ANKS1A: variants seen among roughly 807,000 people sequenced by gnomAD.
ANKS1A encodes the protein ankyrin repeat and SAM domain-containing protein 1A.
Under a neutral mutation model 120.3 loss-of-function variants are expected in ANKS1A, and 55 were observed. That is an observed-to-expected ratio of 0.46 (90% CI 0.37 to 0.57). The LOEUF is 0.57. Among genes scored for constraint, ANKS1A ranks in the 20% least tolerant of loss-of-function variants. ANKS1A has a pLI of 0.00. For missense variants in ANKS1A, 1,123 were observed against 1,480.3 expected, an observed-to-expected ratio of 0.76 and a Z score of 3.96; for synonymous variants, 590 against 604.7, an observed-to-expected ratio of 0.98 and a Z score of 0.36.
intron 3 of ANKS1A, among the ~76,000 whole-genome samples, chr6:34,973,292 C>T (rs1394147914): frequency 6.6e-6 from 1 of 152,156 alleles, no homozygotes; most frequent in Non-Finnish European, 1.5e-5. Flanking sequence ...AGGAAGCGTT[C>T]TGAAATAGGA....
chr6:35,083,333 G>C (rs1001639077), intron 19 of ANKS1A, 84 bp from the exon 20 acceptor site: 62 of 1,595,610 alleles, frequency 3.9e-5, no homozygotes, highest in Admixed American at 3.8e-4. Flanking sequence ...ATGTAAGGAT[G>C]GGAAGGAAGC....
intron 13 of ANKS1A, among the ~76,000 whole-genome samples, chr6:35,063,146 T>C (rs1199713662): frequency 1.3e-5 from 2 of 152,110 alleles, no homozygotes; most frequent in African/African-American, 2.4e-5. Context: ...TGCCAGGTGC[T>C]CCCTAGGATG....
rs1770564078 is a variant in ANKS1A at position 34,960,173 on chromosome 6, TCTTTA to T, written c.198-7060_198-7056del. On this transcript the variant is annotated intron_variant, in intron 1 of 23. Coordinates refer to ENST00000360359, the MANE Select transcript of ANKS1A (RefSeq NM_015245.3). The stretch of plus-strand genomic sequence containing the variant: ...TGTCTACCTCAGACCCCCTCACGGC[TCTTTA>T]CTTTATTCAGATATTCTCAAAGATC... Among the ~76,000 whole-genome samples the T allele has an allele frequency of 2.6e-5, 4 of 152,124 alleles. No homozygotes were observed. In the South Asian group the frequency reaches 8.3e-4, roughly 32 times the overall value.
chr6:35,013,937 C>A (rs1773885802), intron 10 of ANKS1A, among the ~76,000 whole-genome samples: 1 of 152,174 alleles, frequency 6.6e-6, no homozygotes, highest in Admixed American at 6.5e-5. Flanking sequence ...ATAACAATTT[C>A]AACATCTATT....
chr6:34,973,482 AC>A (rs1771287142), intron 3 of ANKS1A, among the ~76,000 whole-genome samples: 1 of 151,954 alleles, frequency 6.6e-6, no homozygotes, highest in Admixed American at 6.5e-5. Flanking sequence ...TGGTGCTCTC[AC>A]CCGCTGGTTT....
chr6:34,913,684 T>C (rs1768011375), intron 1 of ANKS1A, among the ~76,000 whole-genome samples: 1 of 152,184 alleles, frequency 6.6e-6, no homozygotes, highest in Non-Finnish European at 1.5e-5. Flanking sequence ...TTGCCCAGGC[T>C]GGAGTACAGT....
intron 1 of ANKS1A, among the ~76,000 whole-genome samples, chr6:34,908,549 TCA>T (rs892814394): frequency 6.6e-6 from 1 of 152,178 alleles, no homozygotes; most frequent in Non-Finnish European, 1.5e-5. Flanking sequence ...AAAAGTTGTT[TCA>T]GTTTCAACAG....
At position 35,083,161 on chromosome 6, in the gene ANKS1A, G is replaced by T; in HGVS notation, c.2842G>T (p.Gly948Cys). The change falls in exon 19 of 24, where the codon GGC becomes TGC. Residue 948 changes from glycine (G) to cysteine (C), a missense_variant. This residue lies in a region of ANKS1A where 904 missense variants were observed against 1,130.4 expected (regional missense o/e 0.80). Transcript: ENST00000360359. ...CCACTGCTCGCCCCCACAGTATCTG[G>T]GCTCCATGCTGATCAAAGATCTGCG... ...ESCGYEANYLGSMLIKDLRGT... is the reference protein window; with the variant it reads ...ESCGYEANYLCSMLIKDLRGT... 2 of 1,614,098 alleles carry T rather than the reference G, an allele frequency of 1.2e-6. No individual in the cohort carries two copies. Among genetic ancestry groups the T allele is most frequent in the Non-Finnish European group, 1.7e-6 (2 of 1,180,006 alleles).
At chr6:34,922,151 TAAG>T (rs544220181) in intron 1 of ANKS1A, among the ~76,000 whole-genome samples, 8 of 151,948 alleles carry the variant, frequency 5.3e-5, no homozygotes, top group Non-Finnish European at 1.2e-4. Context: ...AATATAAAAG[TAAG>T]AAGAACACAG....
Position 35,067,309 on chromosome 6 carries a change from C to A in ANKS1A, c.2184+7056C>A, listed in dbSNP as rs75684391. On this transcript the variant is annotated intron_variant, in intron 13 of 23. Coordinates refer to ENST00000360359, the MANE Select transcript of ANKS1A (RefSeq NM_015245.3). ...TGGGAGGAAACATGTGCTCCCCCTC[C>A]TCTCTGGGCCCATGCACCATGGCCA... Among the ~76,000 whole-genome samples, 14 of 152,348 alleles carry A rather than the reference C, an allele frequency of 9.2e-5. No homozygotes were observed. The East Asian group carries it at 2.7e-3, about 29-fold the overall frequency.
intron 3 of ANKS1A, among the ~76,000 whole-genome samples, chr6:34,974,772 A>G (rs961636946): frequency 6.6e-6 from 1 of 152,218 alleles, no homozygotes; most frequent in Non-Finnish European, 1.5e-5. Flanking sequence ...GATAATATAT[A>G]TAAAGTAAAA....
intron 1 of ANKS1A, among the ~76,000 whole-genome samples, chr6:34,890,973 T>C (rs1311549220): frequency 6.6e-6 from 1 of 152,214 alleles, no homozygotes; most frequent in Non-Finnish European, 1.5e-5. Flanking sequence ...TATAAGTAGG[T>C]ACTTAAGATT....
rs1395686294 is a variant in ANKS1A, at chr6:35,038,206, T to TCA, written c.2011-15892_2011-15891dup. 9 of 456,642 alleles carry TCA rather than the reference T, an allele frequency of 2.0e-5. No individual in the cohort carries two copies. In the East Asian group the frequency reaches 5.6e-4, roughly 28 times the overall value. 28.3% of individuals were successfully genotyped at this position (456,642 alleles called of 1,614,324 possible). A position where few individuals can be genotyped will look rare whatever the true frequency, so the allele number is the denominator to read the frequency against. On this transcript the variant is annotated intron_variant, in intron 11 of 23. Transcript: ENST00000360359. ...CATTTTCTCTAGGCTAAGAGAACTG[T>TCA]CAGAAGCCCATCAGTCTGGGAAGAA...
At chr6:34,957,224 AC>A (rs1770417152) in intron 1 of ANKS1A, among the ~76,000 whole-genome samples, 1 of 152,144 alleles carries the variant, frequency 6.6e-6, no homozygotes, top group African/African-American at 2.4e-5. Context: ...CAGTTTGTTA[AC>A]TGAACTCTTT....
At chr6:34,965,207 C>T (rs968885500) in intron 1 of ANKS1A, among the ~76,000 whole-genome samples, 1 of 152,060 alleles carries the variant, frequency 6.6e-6, no homozygotes, top group Non-Finnish European at 1.5e-5. Context: ...ATAGTATTTA[C>T]AATTTTGTTT....
intron 11 of ANKS1A, among the ~76,000 whole-genome samples, chr6:35,031,580 ATCTC>A (rs931957568): frequency 6.6e-6 from 1 of 151,358 alleles, no homozygotes; most frequent in African/African-American, 2.4e-5. Context: ...TCCTTCCAAA[ATCTC>A]TCTCCTCCAT....
intron 3 of ANKS1A, among the ~76,000 whole-genome samples, chr6:34,978,543 C>G (rs1323759367): frequency 6.6e-6 from 1 of 152,104 alleles, no homozygotes; most frequent in Non-Finnish European, 1.5e-5. Context: ...CGGTAGCTCA[C>G]GCCTGTAATC....
intron 1 of ANKS1A, among the ~76,000 whole-genome samples, chr6:34,917,596 G>C (rs1230415139): frequency 6.6e-6 from 1 of 152,216 alleles, no homozygotes; most frequent in African/African-American, 2.4e-5. Flanking sequence ...ATGATGTGCT[G>C]TGGGAAAAGA....
At chr6:34,949,025 C>G (rs983259516) in intron 1 of ANKS1A, among the ~76,000 whole-genome samples, 1 of 152,202 alleles carries the variant, frequency 6.6e-6, no homozygotes, top group South Asian at 2.1e-4. Flanking sequence ...TTTCCTCATC[C>G]GTAAAGGTTT....
Sources: allele counts gnomAD v4.1 joint callset (sites outside exome capture counted in the v4.1 genomes callset), GRCh38; gene constraint gnomAD v4.1.1; regional missense constraint gnomAD v4.1.1; transcripts MANE v1.5; gene names NCBI Gene and HGNC (gene_info 2026-07-23, HGNC 2026-07-21).